The following PAK3 variants were observed in gnomAD, a reference collection of about 807,000 sequenced individuals.
The protein encoded by PAK3 is p21 (RAC1) activated kinase 3, also known as serine/threonine-protein kinase PAK 3.
Under a neutral mutation model 41.0 loss-of-function variants are expected in PAK3, and 4 were observed. The observed-to-expected ratio is 0.10, with a 90% CI of 0.05 to 0.22. The LOEUF (loss-of-function observed/expected upper bound fraction) is 0.22. Among genes scored for constraint, PAK3 ranks in the 10% least tolerant of loss-of-function variants. The pLI, the probability that PAK3 is intolerant of heterozygous loss-of-function variation, is 1.00. For synonymous variants in PAK3, 146 were observed against 139.6 expected (o/e 1.05, Z -0.32); for missense variants, 205 against 409.9 (o/e 0.50, Z 4.32).
At chrX:111,211,216 G>A (rs1442060681) in intron 16 of PAK3, among the ~76,000 whole-genome samples, 3 of 109,942 alleles carry the variant, frequency 2.7e-5, no homozygotes, top group African/African-American at 1.0e-4. Context: ...GAGAACAGAT[G>A]GAAACTGGAA....
At chrX:110,984,635 T>C (rs985525335) in intron 1 of PAK3, among the ~76,000 whole-genome samples, 3 of 111,953 alleles carry the variant, frequency 2.7e-5, no homozygotes, top group African/African-American at 6.5e-5. Context: ...TGGCAAACTT[T>C]CTTGGGCAGG....
intron 1 of PAK3, among the ~76,000 whole-genome samples, chrX:110,974,441 C>A (rs1019961128): frequency 8.9e-6 from 1 of 111,852 alleles, no homozygotes; most frequent in Admixed American, 9.5e-5. Context: ...AGACCAATAA[C>A]AGGCTCTGAA....
intron 16 of PAK3, among the ~76,000 whole-genome samples, chrX:111,206,779 T>C (rs1294750148): frequency 1.8e-5 from 2 of 111,585 alleles, no homozygotes; most frequent in East Asian, 5.6e-4. Flanking sequence ...TATAATGTGA[T>C]TATTTCTTTT....
intron 16 of PAK3, among the ~76,000 whole-genome samples, chrX:111,211,109 A>T: frequency 9.0e-6 from 1 of 111,611 alleles, no homozygotes; most frequent in East Asian, 2.8e-4. Flanking sequence ...TCAGGGAATG[A>T]TGAACAAATT....
intron 1 of PAK3, among the ~76,000 whole-genome samples, chrX:111,071,507 T>G (rs2092744218): frequency 8.9e-6 from 1 of 111,952 alleles, no homozygotes; most frequent in African/African-American, 3.2e-5. Context: ...TAATACACTA[T>G]TATTATTGTT....
chrX:111,057,795 C>T (rs898843656), intron 1 of PAK3, among the ~76,000 whole-genome samples: 1 of 111,487 alleles, frequency 9.0e-6, no homozygotes, highest in African/African-American at 3.3e-5. Flanking sequence ...TTTTCATTGC[C>T]CTGAAAAGGA....
Position 111,006,045 on chromosome X carries a change from C to T in PAK3, c.-28+61417C>T, listed in dbSNP as rs2091917636. Among the ~76,000 whole-genome samples the T allele has an allele frequency of 2.7e-5, 3 of 111,390 alleles. No individual in the cohort carries two copies. The South Asian group carries it at 1.1e-3, about 42-fold the overall frequency. On this transcript the variant is annotated intron_variant, in intron 1 of 14. Transcript: ENST00000425146. ...GGGGTCACAGAAAAAGCCTATAGCA[C>T]AGTATTTCTCAGCCCTGCACATTAG...
intron 1 of PAK3, among the ~76,000 whole-genome samples, chrX:111,074,180 T>C (rs1489914301): frequency 8.9e-6 from 1 of 111,856 alleles, no homozygotes; most frequent in East Asian, 2.8e-4. Context: ...AAACTCTAAA[T>C]ACATTAGGTT....
chrX:111,196,390 A>G (rs1192245940), intron 15 of PAK3, 54 bp from the exon 16 acceptor site: 1 of 961,693 alleles, frequency 1.0e-6, no homozygotes, highest in African/African-American at 1.9e-5. Flanking sequence ...AAAGTGATAT[A>G]TTGTAAAAGG....
intron 1 of PAK3, among the ~76,000 whole-genome samples, chrX:111,077,486 C>G (rs1377274102): frequency 1.8e-5 from 2 of 111,515 alleles, no homozygotes; most frequent in African/African-American, 6.5e-5. Flanking sequence ...ACAGAATGAA[C>G]AGCCAAGCAA....
At chrX:110,956,277 A>G (rs769138082) in intron 1 of PAK3, among the ~76,000 whole-genome samples, 1 of 111,425 alleles carries the variant, frequency 9.0e-6, no homozygotes, top group East Asian at 2.8e-4. Context: ...TTCTTGAGGA[A>G]TATATAAGAT....
intron 10 of PAK3, among the ~76,000 whole-genome samples, chrX:111,172,175 T>C (rs1465937051): frequency 3.6e-5 from 4 of 111,369 alleles, no homozygotes; most frequent in East Asian, 2.8e-4. Flanking sequence ...TACCAATTTA[T>C]GTACCCACCA....
chrX:111,162,809 T>G, intron 8 of PAK3, 106 bp from the exon 9 acceptor site: 5 of 735,360 alleles, frequency 6.8e-6, no homozygotes, highest in Non-Finnish European at 1.1e-5. Flanking sequence ...AGATGTAGTT[T>G]CCTCCTATCC....
At chrX:111,068,333 T>G (rs1158561738) in intron 1 of PAK3, among the ~76,000 whole-genome samples, 1 of 112,253 alleles carries the variant, frequency 8.9e-6, no homozygotes, top group Non-Finnish European at 1.9e-5. Flanking sequence ...AGAGTCTGGC[T>G]CTGTTGCCCA....
intron 1 of PAK3, among the ~76,000 whole-genome samples, chrX:111,015,685 A>G (rs2092078029): frequency 9.0e-6 from 1 of 111,400 alleles, no homozygotes. Context: ...TATGATGTGT[A>G]TTTCCCTAAT....
chrX:111,160,967 T>C lies in PAK3; in HGVS notation c.469-1948T>C, dbSNP rs1399124658. On this transcript the variant is annotated intron_variant, in intron 8 of 17. Transcript: ENST00000372007. ...TTATAGCAGCATGATTTATAATCCTTTGGGTATATACCCAGTAATGGGATG... is the reference window on the plus strand; with the variant it reads ...TTATAGCAGCATGATTTATAATCCTCTGGGTATATACCCAGTAATGGGATG... Among the ~76,000 whole-genome samples the C allele has an allele frequency of 2.7e-5, 3 of 112,535 alleles. No individual in the cohort carries two copies. The East Asian group carries it at 8.4e-4, about 32-fold the overall frequency.
intron 1 of PAK3, among the ~76,000 whole-genome samples, chrX:110,981,048 G>A (rs1334928444): frequency 8.9e-6 from 1 of 111,841 alleles, no homozygotes; most frequent in Non-Finnish European, 1.9e-5. Context: ...TCTGTGGCTA[G>A]CCTCCAGGGA....
chrX:111,069,694 C>A (rs1430455070), intron 1 of PAK3, among the ~76,000 whole-genome samples: 1 of 109,684 alleles, frequency 9.1e-6, no homozygotes, highest in African/African-American at 3.3e-5. Flanking sequence ...TGGTCTCTAT[C>A]TCCTCCCACT....
chrX:111,060,929 T>A (rs1237050627), intron 1 of PAK3, among the ~76,000 whole-genome samples: 1 of 111,763 alleles, frequency 8.9e-6, no homozygotes, highest in Admixed American at 9.5e-5. Flanking sequence ...AATTGATAGA[T>A]GAAGGTGAGA....
Sources: gnomAD v4.1 joint callset for allele counts (sites outside exome capture counted in the v4.1 genomes callset) on GRCh38, gnomAD v4.1.1 for gene constraint, MANE v1.5 for transcripts, NCBI Gene and HGNC (gene_info 2026-07-23, HGNC 2026-07-21) for gene names.